YWHAB: variants seen among roughly 807,000 people sequenced by gnomAD.
YWHAB encodes the protein tyrosine 3-monooxygenase/tryptophan 5-monooxygenase activation protein beta.
YWHAB carries 2 observed loss-of-function variants against 28.5 expected under a neutral mutation model. The ratio of observed to expected loss-of-function variants is 0.07; its 90% CI spans 0.03 to 0.22. YWHAB has a LOEUF of 0.22. Ranked by LOEUF, YWHAB falls within the 10% of genes least tolerant of loss-of-function variation. The pLI, the probability that YWHAB is intolerant of heterozygous loss-of-function variation, is 1.00. For missense variants in YWHAB, 148 were observed against 297.1 expected (o/e 0.50, Z 3.69); for synonymous variants, 103 against 104.7 (o/e 0.98, Z 0.10).
chr20:44,895,654 G>A (rs1240753090), intron 1 of YWHAB, among the ~76,000 whole-genome samples: 2 of 152,040 alleles, frequency 1.3e-5, no homozygotes, highest in African/African-American at 4.8e-5. Flanking sequence ...TTTTTGTAGA[G>A]ACAAGGTCTT....
chr20:44,901,980 A>G (rs2066629860), intron 2 of YWHAB, 147 bp downstream of exon 2: 2 of 865,504 alleles, frequency 2.3e-6, no homozygotes. Flanking sequence ...ATTTTTAAGC[A>G]TATGATATAA....
rs1422889275 is a variant in YWHAB at position 44,904,964 on chromosome 20, A to G, written c.425-4A>G. 9.5e-6 allele frequency: 15 copies of G among 1,585,890 alleles called. No homozygotes were observed. Among genetic ancestry groups the G allele is most frequent in the Non-Finnish European group, 1.3e-5 (15 of 1,164,460 alleles). On this transcript the variant is annotated splice_polypyrimidine_tract_variant and splice_region_variant and intron_variant, in intron 3 of 5. Coordinates refer to ENST00000353703, the MANE Select transcript of YWHAB (RefSeq NM_139323.4). ...CCTTTAATATTTTCATCTTTATGTT[A>G]CAGCCACTGTGTCGAACTCCCAGCA...
intron 1 of YWHAB, among the ~76,000 whole-genome samples, chr20:44,896,554 A>G (rs1411699804): frequency 3.3e-5 from 5 of 152,214 alleles, no homozygotes; most frequent in African/African-American, 1.2e-4. Flanking sequence ...CTGATAGGGG[A>G]GGAAATCTGA....
intron 2 of YWHAB, chr20:44,902,077 G>C (rs1459623743): frequency 2.5e-6 from 1 of 395,766 alleles, no homozygotes; most frequent in Non-Finnish European, 4.4e-6. Flanking sequence ...GAAAAACAGT[G>C]ACATTTTTTC....
At chr20:44,888,499 G>C (rs1445269036) in intron 1 of YWHAB, among the ~76,000 whole-genome samples, 1 of 152,226 alleles carries the variant, frequency 6.6e-6, no homozygotes, top group East Asian at 1.9e-4. Flanking sequence ...AATGAAACCA[G>C]GTGATCTGGT....
intron 1 of YWHAB, among the ~76,000 whole-genome samples, chr20:44,892,116 G>A (rs2066566173): frequency 2.0e-5 from 3 of 152,182 alleles, no homozygotes; most frequent in Admixed American, 6.5e-5. Context: ...CTGCTGTACA[G>A]TGCTGTGGAT....
chr20:44,905,861 AACAG>A, intron 4 of YWHAB, 136 bp from the exon 5 acceptor site: 2 of 640,392 alleles, frequency 3.1e-6, no homozygotes, highest in Non-Finnish European at 5.6e-6. Flanking sequence ...GGAAACAGCT[AACAG>A]ACAGGGTAAT....
At chr20:44,888,604 A>G (rs2066542050) in intron 1 of YWHAB, among the ~76,000 whole-genome samples, 1 of 152,194 alleles carries the variant, frequency 6.6e-6, no homozygotes, top group Non-Finnish European at 1.5e-5. Flanking sequence ...TTTTCTTTAC[A>G]CCAATCCTAA....
At chr20:44,895,305 G>A (rs1013121876) in intron 1 of YWHAB, among the ~76,000 whole-genome samples, 2 of 152,160 alleles carry the variant, frequency 1.3e-5, no homozygotes, top group Non-Finnish European at 2.9e-5. Flanking sequence ...TGAGAGAAAG[G>A]TACATGTTGG....
intron 2 of YWHAB, 152 bp downstream of exon 2, chr20:44,901,985 A>G (rs2145537362): frequency 1.2e-6 from 1 of 842,096 alleles, no homozygotes; most frequent in Non-Finnish European, 1.7e-6. Flanking sequence ...TAAGCATATG[A>G]TATAATTTGT....
At chr20:44,895,014 A>C (rs569819844) in intron 1 of YWHAB, among the ~76,000 whole-genome samples, 19 of 152,390 alleles carry the variant, frequency 1.2e-4, no homozygotes, top group African/African-American at 4.3e-4. Flanking sequence ...CTTTGAGGGC[A>C]CACACGTGAA....
chr20:44,889,814 C>A (rs1447147810), intron 1 of YWHAB, among the ~76,000 whole-genome samples: 2 of 152,074 alleles, frequency 1.3e-5, no homozygotes, highest in African/African-American at 2.4e-5. Context: ...TTGTATAGTT[C>A]TTTTAAAAGT....
chr20:44,902,362 T>C (rs1483229183), intron 2 of YWHAB: 4 of 152,752 alleles, frequency 2.6e-5, no homozygotes, highest in African/African-American at 9.6e-5. Context: ...TCCTGTATTT[T>C]ACATAAACCC....
At position 44,894,393 on chromosome 20, in the gene YWHAB, G is replaced by A. The variant is rs866045477; in HGVS notation, c.-3-7138G>A. Reference sequence around the variant, plus strand: ...ATCTTGCTGACTTTTTTTTTAGTGGGAACCTCATTCAAAGTCTTGGAACAA... The same window carrying A: ...ATCTTGCTGACTTTTTTTTTAGTGGAAACCTCATTCAAAGTCTTGGAACAA... On this transcript the variant is annotated intron_variant, in intron 1 of 5. Transcript: ENST00000353703. 8.6e-5 allele frequency among the ~76,000 whole-genome samples: 13 copies of A among 152,016 alleles called. 1 individual carries two copies. Among genetic ancestry groups the A allele is most frequent in the Non-Finnish European group, 1.5e-4 (10 of 67,994 alleles).
At chr20:44,886,804 G>A (rs1314806998) in intron 1 of YWHAB, 1 of 152,208 alleles carries the variant, frequency 6.6e-6, no homozygotes, top group Non-Finnish European at 1.5e-5. Context: ...GCCTTGGTAA[G>A]CAATTTGCCA....
In YWHAB at chr20:44,906,406, G is replaced by C; in HGVS notation, c.709G>C (p.Asp237His). 6.2e-7 allele frequency: 1 copy of C among 1,610,654 alleles called. No homozygotes were observed. Among genetic ancestry groups the C allele is most frequent in the Non-Finnish European group, 8.5e-7 (1 of 1,178,784 alleles). The part of the protein sequence containing the change: ...LTLWTSENQG[D>H]EGDAGEGEN The stretch of plus-strand genomic sequence containing the variant: ...GCTGTGGACATCGGAAAACCAGGGA[G>C]ACGAAGGAGACGCTGGGGAGGGAGA... Residue 237 changes from aspartate (D) to histidine (H), a missense_variant, in exon 6 of 6, where the codon GAC becomes CAC. By Grantham distance (81) the Asp-to-His change is moderately conservative (BLOSUM62 -1). Around this residue, in one of 2 missense-constraint regions of YWHAB, gnomAD observed 38 missense variants for 119.2 expected, o/e 0.32. Coordinates refer to ENST00000353703, the MANE Select transcript of YWHAB (RefSeq NM_139323.4).
chr20:44,891,308 G>A (rs1467701303), intron 1 of YWHAB, among the ~76,000 whole-genome samples: 1 of 151,954 alleles, frequency 6.6e-6, no homozygotes, highest in Non-Finnish European at 1.5e-5. Flanking sequence ...GTTTCACCAT[G>A]TTGGCCAGGC....
chr20:44,890,653 G>A (rs954131129), intron 1 of YWHAB, among the ~76,000 whole-genome samples: 5 of 152,078 alleles, frequency 3.3e-5, no homozygotes, highest in Non-Finnish European at 5.9e-5. Flanking sequence ...TGGGATTACA[G>A]GCGCCTGCCA....
At chr20:44,898,274 T>C (rs1053839682) in intron 1 of YWHAB, among the ~76,000 whole-genome samples, 11 of 152,312 alleles carry the variant, frequency 7.2e-5, no homozygotes, top group African/African-American at 2.6e-4. Flanking sequence ...GTGAGCCTTA[T>C]ATAAGACACA....
Sources: allele counts gnomAD v4.1 joint callset (sites outside exome capture counted in the v4.1 genomes callset), GRCh38; gene constraint gnomAD v4.1.1; regional missense constraint gnomAD v4.1.1; transcripts MANE v1.5; gene names NCBI Gene and HGNC (gene_info 2026-07-23, HGNC 2026-07-21).